Variants in NCOR2 observed in about 807,000 individuals in gnomAD.
NCOR2 encodes the protein CTG repeat protein 26.
A neutral mutation model predicts 262.9 loss-of-function variants in NCOR2; 81 were observed. The observed-to-expected ratio is 0.31, with a 90% CI of 0.26 to 0.37. NCOR2 has a LOEUF of 0.37. Ranked by LOEUF, NCOR2 falls within the 10% of genes least tolerant of loss-of-function variation. The probability of loss-of-function intolerance (pLI) is 1.00; values close to 1 mark genes in which losing one functional copy is unlikely to be tolerated. For synonymous variants in NCOR2, 1,659 were observed against 1,559.3 expected, an observed-to-expected ratio of 1.06 and a Z score of -1.51; for missense variants, 3,385 against 3,621.4, an observed-to-expected ratio of 0.93 and a Z score of 1.68.
Position 124,340,452 on chromosome 12 carries a change from C to T in NCOR2, c.5339-9G>A. 1 of 1,611,040 alleles carries T rather than the reference C, an allele frequency of 6.2e-7. No individual in the cohort carries two copies. Among genetic ancestry groups the T allele is most frequent in the Non-Finnish European group, 8.5e-7 (1 of 1,179,350 alleles). ...CAAGTGTGTTGGACCTCCTAGGAAA[C>T]CCAAAGGCCAGAGACTCAGCCCCAG... On this transcript the variant is annotated splice_polypyrimidine_tract_variant and intron_variant, in intron 35 of 46. Coordinates refer to ENST00000405201, the Ensembl canonical transcript of NCOR2.
intron 20 of NCOR2, among the ~76,000 whole-genome samples, chr12:124,368,288 G>A (rs752899069): frequency 6.6e-6 from 1 of 152,166 alleles, no homozygotes; most frequent in African/African-American, 2.4e-5. Flanking sequence ...CAGGGCACGA[G>A]AGGGGGAATA....
chr12:124,462,579 C>G (rs1005707239), intron 5 of NCOR2, among the ~76,000 whole-genome samples: 1 of 152,218 alleles, frequency 6.6e-6, no homozygotes, highest in Admixed American at 6.5e-5. Flanking sequence ...ACCCCTGGAC[C>G]CTGGGGGCAG....
chr12:124,506,127 C>T (rs1308459386), intron 1 of NCOR2, among the ~76,000 whole-genome samples: 1 of 152,176 alleles, frequency 6.6e-6, no homozygotes, highest in Non-Finnish European at 1.5e-5. Context: ...CACTCCAGGC[C>T]ACATTTATCT....
chr12:124,410,148 C>T (rs1205969068), intron 13 of NCOR2, among the ~76,000 whole-genome samples: 1 of 150,468 alleles, frequency 6.6e-6, no homozygotes, highest in Admixed American at 6.7e-5. Flanking sequence ...CTGGGAACTA[C>T]TTCCTGACTC....
intron 7 of NCOR2, among the ~76,000 whole-genome samples, chr12:124,445,615 G>C (rs370435058): frequency 5.3e-5 from 8 of 152,194 alleles, no homozygotes; most frequent in African/African-American, 1.9e-4. Context: ...GGCCGTGAGC[G>C]CCAGGGAGGC....
chr12:124,337,012 G>A (rs751664629), exon 38 of NCOR2: 11 of 1,507,184 alleles, frequency 7.3e-6, no homozygotes, highest in Admixed American at 2.3e-5. Flanking sequence ...AGGCATGGCC[G>A]GTGTCTGCTC....
chr12:124,410,034 A>G (rs1398907853), intron 13 of NCOR2, among the ~76,000 whole-genome samples: 1 of 151,246 alleles, frequency 6.6e-6, no homozygotes, highest in East Asian at 2.0e-4. Flanking sequence ...CCTGCAGAAC[A>G]GACTCAAACA....
At position 124,517,782 on chromosome 12, in the gene NCOR2, T is replaced by G. The variant is rs1224790965; in HGVS notation, c.-118+17783A>C. Among the ~76,000 whole-genome samples, 1 of 152,182 alleles carries G rather than the reference T, an allele frequency of 6.6e-6. No individual in the cohort carries two copies. The highest frequency in any genetic ancestry group is 1.5e-5 in the Non-Finnish European group (1 of 68,022). Reference sequence around the variant, plus strand: ...CCGGCCAAGAAGCCTCACCCCGGCCTGCCCGGCCAGCGCCTCCGAGCGCTC... The same window carrying G: ...CCGGCCAAGAAGCCTCACCCCGGCCGGCCCGGCCAGCGCCTCCGAGCGCTC... On this transcript the variant is annotated intron_variant, in intron 1 of 46. Transcript: ENST00000404621. The surrounding 1 kb of genome is among the most constrained non-coding windows in gnomAD (Gnocchi z 7.6).
chr12:124,383,531 C>A (rs1266865884), intron 17 of NCOR2: 68 of 700,524 alleles, frequency 9.7e-5, no homozygotes, highest in Non-Finnish European at 1.1e-4. Flanking sequence ...AACCTTCCAA[C>A]TCAAAAAAAA....
At chr12:124,350,526 C>A in intron 28 of NCOR2, 61 bp downstream of exon 30, 2 of 1,566,672 alleles carry the variant, frequency 1.3e-6, no homozygotes, top group Non-Finnish European at 1.7e-6. Context: ...TGTGAAGCTA[C>A]CTCAGTGGGC....
intron 12 of NCOR2, among the ~76,000 whole-genome samples, chr12:124,421,584 A>T (rs867912643): frequency 3.3e-5 from 5 of 152,218 alleles, no homozygotes; most frequent in Admixed American, 2.0e-4. Context: ...GTCCTTTAAA[A>T]TAAGTGCCTC....
intron 21 of NCOR2, among the ~76,000 whole-genome samples, chr12:124,362,791 C>T (rs1263264903): frequency 6.7e-6 from 1 of 149,032 alleles, no homozygotes; most frequent in South Asian, 2.1e-4. Context: ...AAAAGTCTGG[C>T]CCAGCTGCCT....
At position 124,350,802 on chromosome 12, in the gene NCOR2, A is replaced by C. The variant is rs1330137842; in HGVS notation, c.3694-65T>G. 4 of 1,542,026 alleles carry C rather than the reference A, an allele frequency of 2.6e-6. No homozygotes were observed. The East Asian group carries it at 9.1e-5, about 35-fold the overall frequency. ...CCAGGACCCCTCTCAACTCAAATGC[A>C]GGCAAAGACGTGCTTAAAAGCCCAT... On this transcript the variant is annotated intron_variant, in intron 27 of 46. Coordinates refer to ENST00000405201, the Ensembl canonical transcript of NCOR2.
chr12:124,329,280 G>C (rs1000129318), intron 44 of NCOR2: 1 of 374,586 alleles, frequency 2.7e-6, no homozygotes, highest in African/African-American at 2.1e-5. Context: ...TGGCCAATAT[G>C]ATGAAACCCC....
chr12:124,327,570 G>T, exon 45 of NCOR2: 1 of 1,613,606 alleles, frequency 6.2e-7, no homozygotes, highest in Non-Finnish European at 8.5e-7. Context: ...TCTAATTATG[G>T]CCTCCAGCCC....
At chr12:124,494,892 G>C (rs965269989) in intron 1 of NCOR2, among the ~76,000 whole-genome samples, 1 of 152,218 alleles carries the variant, frequency 6.6e-6, no homozygotes, top group African/African-American at 2.4e-5. Flanking sequence ...TACCAGTCCA[G>C]AGAGGGCAGA....
intron 10 of NCOR2, among the ~76,000 whole-genome samples, chr12:124,427,461 C>T (rs115782500): frequency 6.6e-6 from 1 of 152,336 alleles, no homozygotes; most frequent in African/African-American, 2.4e-5. Flanking sequence ...ATCTCGCAGC[C>T]AGCCAATTAC....
exon 47 of NCOR2, chr12:124,324,738 A>C (rs2034506338): frequency 6.6e-6 from 1 of 152,560 alleles, no homozygotes; most frequent in Non-Finnish European, 1.5e-5. Flanking sequence ...CCTGTAAACC[A>C]ACACATCATT....
intron 16 of NCOR2, chr12:124,388,871 AGG>A (rs1332297430): frequency 1.0e-4 from 11 of 109,544 alleles, no homozygotes; most frequent in Admixed American, 9.9e-4. Flanking sequence ...ACGGTGAGGG[AGG>A]GAGGGAGGGA....
Sources: allele counts gnomAD v4.1 joint callset (sites outside exome capture counted in the v4.1 genomes callset), GRCh38; gene constraint gnomAD v4.1.1; non-coding constraint Gnocchi (gnomAD v3.1); transcripts MANE v1.5; gene names NCBI Gene and HGNC (gene_info 2026-07-23, HGNC 2026-07-21).